Variants in ATL2 observed in about 807,000 individuals in gnomAD.
ATL2 encodes the protein atlastin-2.
A neutral mutation model predicts 73.9 loss-of-function variants in ATL2; 31 were observed. The ratio of observed to expected loss-of-function variants is 0.42; its 90% confidence interval spans 0.32 to 0.57. ATL2 has a LOEUF of 0.57. Ranked by LOEUF, ATL2 falls within the 20% of genes least tolerant of loss-of-function variation. The pLI is 0.14. For synonymous variants in ATL2, 291 were observed against 237.5 expected (o/e 1.23, Z -2.07); for missense variants, 738 against 702.6 (o/e 1.05, Z -0.57).
chr2:38,364,800 T>G (rs1389079649), intron 1 of ATL2, among the ~76,000 whole-genome samples: 1 of 152,174 alleles, frequency 6.6e-6, no homozygotes, highest in African/African-American at 2.4e-5. Flanking sequence ...ATCCCAGCAC[T>G]TTGGGAGGCT....
At position 38,295,956 on chromosome 2, in the gene ATL2, A is replaced by G. The variant is rs1408303594; in HGVS notation, c.*38T>C. 5.1e-6 allele frequency: 7 copies of G among 1,378,354 alleles called. No homozygotes were observed. Among genetic ancestry groups the G allele is most frequent in the African/African-American group, 3.0e-5 (2 of 67,788 alleles). The allele number at this position is 1,378,354 out of a possible 1,614,324, so 85.4% of individuals were successfully genotyped here. ...GAGTTCTCATTGTACAGCAAGCATG[A>G]AAAAAAAAGAGAGTGGAGTCCGTGA... On this transcript the variant is annotated 3_prime_UTR_variant, in exon 13 of 13. Transcript: ENST00000378954.
At chr2:38,328,908 CAATAT>C (rs143902034) in intron 2 of ATL2, among the ~76,000 whole-genome samples, 12,311 of 151,056 alleles carry the variant, frequency 0.081, 948 homozygotes, top group African/African-American at 0.21. Flanking sequence ...TCAAAAAGAT[CAATAT>C]AATTAACTGA....
intron 12 of ATL2, among the ~76,000 whole-genome samples, chr2:38,297,349 G>A (rs990856516): frequency 6.6e-6 from 1 of 152,058 alleles, no homozygotes; most frequent in East Asian, 1.9e-4. Context: ...CTATTATAGC[G>A]TTCGTCATTA....
chr2:38,314,991 C>A, intron 5 of ATL2, among the ~76,000 whole-genome samples: 1 of 152,318 alleles, frequency 6.6e-6, no homozygotes, highest in Middle Eastern at 3.4e-3. Flanking sequence ...CGGCTCACGC[C>A]GGGTAATCCC....
intron 9 of ATL2, among the ~76,000 whole-genome samples, chr2:38,307,951 A>G (rs1246188189): frequency 6.6e-6 from 1 of 152,200 alleles, no homozygotes; most frequent in East Asian, 1.9e-4. Context: ...AAGACAGGCA[A>G]TAACAAATGT....
At chr2:38,318,264 G>C (rs1207221687) in intron 4 of ATL2, 3 of 259,364 alleles carry the variant, frequency 1.2e-5, no homozygotes, top group Non-Finnish European at 2.2e-5. Flanking sequence ...GGTCACCTGA[G>C]GTCAGGAGTT....
intron 1 of ATL2, among the ~76,000 whole-genome samples, chr2:38,348,956 A>G (rs1670182116): frequency 6.6e-6 from 1 of 152,138 alleles, no homozygotes; most frequent in Non-Finnish European, 1.5e-5. Flanking sequence ...AGAAACGCAA[A>G]TCAAAACCAC....
chr2:38,301,313 G>A (rs528481717), intron 9 of ATL2, among the ~76,000 whole-genome samples: 14 of 152,140 alleles, frequency 9.2e-5, no homozygotes, highest in Non-Finnish European at 1.8e-4. Flanking sequence ...AACTGGGAAG[G>A]AGGCAGAGCA....
At chr2:38,301,313 G>C (rs528481717) in intron 9 of ATL2, among the ~76,000 whole-genome samples, 113 of 152,258 alleles carry the variant, frequency 7.4e-4, no homozygotes, top group African/African-American at 2.6e-3. Context: ...AACTGGGAAG[G>C]AGGCAGAGCA....
intron 1 of ATL2, among the ~76,000 whole-genome samples, chr2:38,352,695 C>T (rs1215173644): frequency 6.6e-6 from 1 of 152,082 alleles, no homozygotes; most frequent in East Asian, 1.9e-4. Context: ...GAGTTCTGGC[C>T]CAGCCAGAGT....
intron 10 of ATL2, among the ~76,000 whole-genome samples, chr2:38,299,948 C>G (rs1395943400): frequency 2.6e-5 from 4 of 152,114 alleles, no homozygotes; most frequent in Non-Finnish European, 5.9e-5. Context: ...GTCAAAGACT[C>G]AGAATAGAAG....
upstream of ATL2, chr2:38,377,401 TC>T (rs1672057159): frequency 1.5e-6 from 1 of 666,114 alleles, no homozygotes; most frequent in Non-Finnish European, 2.5e-6. Flanking sequence ...CTGTATCTCC[TC>T]GCCCTCCGCC....
At chr2:38,349,988 G>A (rs867106632) in intron 1 of ATL2, among the ~76,000 whole-genome samples, 2 of 152,074 alleles carry the variant, frequency 1.3e-5, no homozygotes, top group African/African-American at 4.8e-5. Flanking sequence ...TACAGATAAA[G>A]TACTCCATCA....
intron 1 of ATL2, among the ~76,000 whole-genome samples, chr2:38,367,102 G>A (rs910786154): frequency 6.6e-6 from 1 of 151,694 alleles, no homozygotes; most frequent in Non-Finnish European, 1.5e-5. Flanking sequence ...TTAAAGGCAC[G>A]AGCCACCGCA....
At chr2:38,368,883 G>A (rs190000512) in intron 1 of ATL2, among the ~76,000 whole-genome samples, 112 of 152,226 alleles carry the variant, frequency 7.4e-4, no homozygotes, top group Admixed American at 2.5e-3. Context: ...AACCCCAGGA[G>A]TTCGAGACTA....
At chr2:38,365,010 C>T (rs1671229261) in intron 1 of ATL2, among the ~76,000 whole-genome samples, 1 of 151,452 alleles carries the variant, frequency 6.6e-6, no homozygotes, top group South Asian at 2.1e-4. Context: ...CGCCACTGCA[C>T]TCCAGCCTGG....
chr2:38,325,715 C>CACAT (rs1668605350), intron 2 of ATL2, among the ~76,000 whole-genome samples: 1 of 112,210 alleles, frequency 8.9e-6, no homozygotes, highest in Non-Finnish European at 1.6e-5. Context: ...CACACACACA[C>CACAT]ACACACACAC....
chr2:38,313,837 C>A (rs1246371439), intron 6 of ATL2, among the ~76,000 whole-genome samples: 1 of 152,126 alleles, frequency 6.6e-6, no homozygotes, highest in East Asian at 1.9e-4. Flanking sequence ...AAAACTGTGA[C>A]AACCAAAAAT....
chr2:38,296,781 C>A, intron 12 of ATL2: 1 of 1,542,010 alleles, frequency 6.5e-7, no homozygotes, highest in Non-Finnish European at 8.8e-7. Context: ...TAGCTGATTA[C>A]CTTACCTAAA....
Sources: allele counts gnomAD v4.1 joint callset (sites outside exome capture counted in the v4.1 genomes callset), GRCh38; gene constraint gnomAD v4.1.1; transcripts MANE v1.5; gene names NCBI Gene and HGNC (gene_info 2026-07-23, HGNC 2026-07-21).